The following PDE4D variants were observed in gnomAD, a reference collection of about 807,000 sequenced individuals.
PDE4D encodes the protein phosphodiesterase 4D.
PDE4D carries 24 observed loss-of-function variants against 87.4 expected under a neutral mutation model. The observed-to-expected ratio is 0.27, with a 90% CI of 0.20 to 0.39. The LOEUF (loss-of-function observed/expected upper bound fraction) is 0.39, where lower values mean the gene tolerates loss of function less well. PDE4D is among the 10% of genes least tolerant of loss of function. PDE4D has a pLI of 1.00. For synonymous variants in PDE4D, 384 were observed against 383.2 expected (o/e 1.00, Z -0.02); for missense variants, 714 against 1,041.0 (o/e 0.69, Z 4.32).
chr5:60,356,550 T>C (rs1387547414), intron 1 of PDE4D, among the ~76,000 whole-genome samples: 1 of 152,198 alleles, frequency 6.6e-6, no homozygotes. Flanking sequence ...TATCTACCTA[T>C]GATTAAAAAT....
chr5:59,156,329 A>ATATATC (rs1780195003), intron 5 of PDE4D, among the ~76,000 whole-genome samples: 1 of 133,494 alleles, frequency 7.5e-6, no homozygotes, highest in Admixed American at 7.2e-5. Context: ...AAATATATAT[A>ATATATC]TATGTGTGTG....
chr5:59,013,399 A>G (rs1028692392), intron 6 of PDE4D, among the ~76,000 whole-genome samples: 1 of 152,258 alleles, frequency 6.6e-6, no homozygotes, highest in African/African-American at 2.4e-5. Context: ...TTGATAGACC[A>G]CTAGCAAGAC....
intron 1 of PDE4D, among the ~76,000 whole-genome samples, chr5:60,361,329 AAATCAAT>A (rs1760046168): frequency 6.6e-6 from 1 of 152,224 alleles, no homozygotes; most frequent in Non-Finnish European, 1.5e-5. Context: ...ATTGATTAGT[AAATCAAT>A]AATTAGTTAC....
intron 1 of PDE4D, among the ~76,000 whole-genome samples, chr5:60,382,689 G>T (rs76104796): frequency 0.016 from 2,387 of 152,226 alleles, 62 homozygotes; most frequent in African/African-American, 0.054. Flanking sequence ...ACTTCTTACT[G>T]AAGTTTTAGA....
At chr5:60,063,592 C>T (rs749658235) in intron 2 of PDE4D, among the ~76,000 whole-genome samples, 3 of 151,872 alleles carry the variant, frequency 2.0e-5, no homozygotes, top group Non-Finnish European at 4.4e-5. Context: ...AGAATGAGAT[C>T]GAAACAATGC....
intron 5 of PDE4D, among the ~76,000 whole-genome samples, chr5:59,129,345 C>A (rs1775947518): frequency 6.6e-6 from 1 of 152,128 alleles, no homozygotes; most frequent in African/African-American, 2.4e-5. Flanking sequence ...CTCAAGTAAT[C>A]CTCCTGCCTT....
chr5:59,418,459 G>A (rs1418816614), intron 1 of PDE4D, among the ~76,000 whole-genome samples: 1 of 152,070 alleles, frequency 6.6e-6, no homozygotes, highest in Non-Finnish European at 1.5e-5. Flanking sequence ...AATGCAAGCT[G>A]CAAGACCAAA....
intron 2 of PDE4D, among the ~76,000 whole-genome samples, chr5:60,114,858 A>G (rs1777995238): frequency 6.6e-6 from 1 of 152,056 alleles, no homozygotes; most frequent in African/African-American, 2.4e-5. Flanking sequence ...ATAAATACAT[A>G]TAACTATGTG....
intron 1 of PDE4D, chr5:59,587,551 T>A: frequency 1.0e-6 from 1 of 985,420 alleles, no homozygotes; most frequent in Non-Finnish European, 1.2e-6. Context: ...CCGCCTTGTC[T>A]GCCCTGGGCT....
At chr5:59,546,772 T>G (rs551027834) in intron 1 of PDE4D, among the ~76,000 whole-genome samples, 12 of 152,298 alleles carry the variant, frequency 7.9e-5, no homozygotes, top group African/African-American at 1.4e-4. Context: ...CCACAAAGCT[T>G]CTTTTTCCCC....
At position 59,089,387 on chromosome 5, in the gene PDE4D, A is replaced by G. The variant is rs940907607; in HGVS notation, c.809-50416T>C. On this transcript the variant is annotated intron_variant, in intron 5 of 14. Coordinates refer to ENST00000340635, the MANE Select transcript of PDE4D (RefSeq NM_001104631.2). ...TCAGGAATTTTTGAAGGATTATTTG[A>G]TTTTTATTTTTATAGATGTTCTTGC... is the stretch of plus-strand genomic sequence containing the variant. Among the ~76,000 whole-genome samples, 3 of 152,098 alleles carry G rather than the reference A, an allele frequency of 2.0e-5. 1 individual carries two copies. Among genetic ancestry groups the G allele is most frequent in the Admixed American group, 2.0e-4 (3 of 15,246 alleles).
intron 5 of PDE4D, among the ~76,000 whole-genome samples, chr5:59,085,086 G>A (rs767470771): frequency 1.8e-4 from 28 of 152,060 alleles, no homozygotes; most frequent in Non-Finnish European, 3.5e-4. Context: ...AAACAACCCA[G>A]CCTTGCTATA....
intron 1 of PDE4D, among the ~76,000 whole-genome samples, chr5:59,604,272 T>A (rs916499921): frequency 1.8e-4 from 27 of 151,946 alleles, no homozygotes; most frequent in Admixed American, 1.2e-3. Flanking sequence ...ATGATACATA[T>A]CTCCTAGATT....
In PDE4D at chr5:60,031,454, C is replaced by T. The variant is rs146424003; in HGVS notation, c.43-42737G>A. On this transcript the variant is annotated intron_variant, in intron 2 of 16. Transcript: ENST00000502484. ...ACAAGGGCCAAAAAAATTGGTGAAT[C>T]CTAAATACAAGCATGCAGGCTGCTG... Among the ~76,000 whole-genome samples the T allele has an allele frequency of 1.6e-3, 240 of 152,268 alleles. 1 individual carries two copies. Among genetic ancestry groups the T allele is most frequent in the African/African-American group, 5.7e-3 (235 of 41,544 alleles).
chr5:60,294,258 GC>G (rs1258825146), intron 1 of PDE4D, among the ~76,000 whole-genome samples: 1 of 152,038 alleles, frequency 6.6e-6, no homozygotes, highest in Non-Finnish European at 1.5e-5. Context: ...GAAATGCTTT[GC>G]CCATTTTTAT....
chr5:59,840,873 A>G (rs2152707438), intron 1 of PDE4D, among the ~76,000 whole-genome samples: 1 of 152,218 alleles, frequency 6.6e-6, no homozygotes, highest in Non-Finnish European at 1.5e-5. Context: ...GGAAATAAGA[A>G]TATATGGGAG....
intron 2 of PDE4D, among the ~76,000 whole-genome samples, chr5:60,047,809 T>C (rs1769488948): frequency 6.6e-6 from 1 of 152,026 alleles, no homozygotes; most frequent in African/African-American, 2.4e-5. Context: ...TTGGAATAGG[T>C]GTGGTGTGGT....
chr5:59,635,606 A>T (rs779848704), intron 1 of PDE4D, among the ~76,000 whole-genome samples: 10 of 152,222 alleles, frequency 6.6e-5, no homozygotes, highest in Non-Finnish European at 1.3e-4. Flanking sequence ...AATAAACATA[A>T]CCCATCACAT....
intron 2 of PDE4D, among the ~76,000 whole-genome samples, chr5:59,209,690 T>C (rs1749660696): frequency 6.6e-6 from 1 of 152,250 alleles, no homozygotes; most frequent in South Asian, 2.1e-4. Context: ...CACTGAGCAC[T>C]ATGTCAATTT....
Sources: gnomAD v4.1 joint callset for allele counts (sites outside exome capture counted in the v4.1 genomes callset) on GRCh38, gnomAD v4.1.1 for gene constraint, MANE v1.5 for transcripts, NCBI Gene and HGNC (gene_info 2026-07-23, HGNC 2026-07-21) for gene names.